Variants in PLD1 observed in about 807,000 individuals in gnomAD.
PLD1 encodes the protein phospholipase D1, also known as choline phosphatase 1.
Under a neutral mutation model 137.1 loss-of-function variants are expected in PLD1, and 112 were observed. The observed-to-expected ratio is 0.82, with a 90% CI of 0.70 to 0.96. PLD1 has a LOEUF of 0.96. Among genes scored for constraint, PLD1 ranks in the 40% least tolerant of loss-of-function variants. The pLI, the probability that PLD1 is intolerant of heterozygous loss-of-function variation, is 0.00. For synonymous variants in PLD1, 431 were observed against 454.7 expected, an observed-to-expected ratio of 0.95 and a Z score of 0.66; for missense variants, 1,321 against 1,342.0, an observed-to-expected ratio of 0.98 and a Z score of 0.24.
Position 171,688,797 on chromosome 3 carries a change from G to A in PLD1, c.1418C>T (p.Ser473Leu), listed in dbSNP as rs1373200099. The part of the protein sequence containing the change: ...HHEKLVIIDQ[S>L]VAFVGGIDLA... Reference sequence around the variant, plus strand: ...GTCAATCCCTCCCACAAAGGCCACCGATTGGTCAATGATGACAAGCTTCTC... The same window carrying A: ...GTCAATCCCTCCCACAAAGGCCACCAATTGGTCAATGATGACAAGCTTCTC... Residue 473 changes from serine to leucine, a missense_variant, in exon 14 of 27, where the codon TCG (serine) becomes TTG (leucine). Coordinates refer to ENST00000351298, the MANE Select transcript of PLD1 (RefSeq NM_002662.5). 1.2e-5 allele frequency: 19 copies of A among 1,613,840 alleles called. No individual in the cohort carries two copies. The highest frequency in any genetic ancestry group is 2.7e-5 in the African/African-American group (2 of 74,894).
At chr3:171,658,676 G>T (rs1431307884) in intron 21 of PLD1, among the ~76,000 whole-genome samples, 1 of 152,134 alleles carries the variant, frequency 6.6e-6, no homozygotes, top group African/African-American at 2.4e-5. Flanking sequence ...TGCTAATGGG[G>T]TTTCTTTCTG....
chr3:171,629,097 G>A (rs1734417113), intron 23 of PLD1, among the ~76,000 whole-genome samples: 1 of 150,832 alleles, frequency 6.6e-6, no homozygotes, highest in South Asian at 2.1e-4. Flanking sequence ...TGACATGATT[G>A]TATATCTAGA....
intron 11 of PLD1, among the ~76,000 whole-genome samples, chr3:171,700,664 G>A (rs1578310371): frequency 6.6e-6 from 1 of 152,176 alleles, no homozygotes; most frequent in East Asian, 1.9e-4. Context: ...TAGATACACA[G>A]ACACATGACT....
At chr3:171,791,991 C>G (rs1723232502) in intron 1 of PLD1, 1 of 152,696 alleles carries the variant, frequency 6.5e-6, no homozygotes, top group Admixed American at 6.5e-5. Context: ...CCTTTCCCAA[C>G]ACCATCCCTT....
intron 18 of PLD1, among the ~76,000 whole-genome samples, chr3:171,675,544 C>T (rs1713261650): frequency 6.6e-6 from 1 of 152,190 alleles, no homozygotes; most frequent in Admixed American, 6.5e-5. Flanking sequence ...TGTATGAGCA[C>T]ACCACAAAAA....
At chr3:171,636,578 T>C (rs1735150695) in intron 23 of PLD1, among the ~76,000 whole-genome samples, 1 of 152,130 alleles carries the variant, frequency 6.6e-6, no homozygotes, top group Non-Finnish European at 1.5e-5. Flanking sequence ...TACTCATTGC[T>C]AGAGTATAAA....
At chr3:171,732,937 A>C (rs974420212) in intron 6 of PLD1, among the ~76,000 whole-genome samples, 7 of 152,154 alleles carry the variant, frequency 4.6e-5, no homozygotes, top group African/African-American at 1.7e-4. Flanking sequence ...GGATTCCTCA[A>C]GGGTTTTTTC....
At chr3:171,652,509 A>G (rs187011947) in intron 21 of PLD1, among the ~76,000 whole-genome samples, 2 of 151,974 alleles carry the variant, frequency 1.3e-5, no homozygotes, top group Admixed American at 1.3e-4. Flanking sequence ...GTACAAAATT[A>G]TAGGATATGG....
intron 24 of PLD1, among the ~76,000 whole-genome samples, chr3:171,618,849 G>A (rs1292296940): frequency 2.7e-5 from 2 of 74,062 alleles, no homozygotes; most frequent in African/African-American, 6.6e-5. Flanking sequence ...AATATTAAAA[G>A]TGTGTGTGCG....
At chr3:171,611,060 A>T (rs1732612430) in intron 25 of PLD1, among the ~76,000 whole-genome samples, 1 of 152,178 alleles carries the variant, frequency 6.6e-6, no homozygotes, top group Admixed American at 6.5e-5. Context: ...TCCAAAAGGG[A>T]CCATTTAACA....
chr3:171,788,288 G>T (rs1413764556), intron 1 of PLD1, among the ~76,000 whole-genome samples: 2 of 131,778 alleles, frequency 1.5e-5, no homozygotes, highest in East Asian at 4.8e-4. Flanking sequence ...ACTGAAAGGA[G>T]TATTTCTGGG....
At chr3:171,629,361 G>A (rs1344125305) in intron 23 of PLD1, among the ~76,000 whole-genome samples, 8 of 151,884 alleles carry the variant, frequency 5.3e-5, no homozygotes, top group Non-Finnish European at 2.9e-5. Flanking sequence ...TGAAATAAAA[G>A]AGGATACAAA....
At chr3:171,719,214 C>T (rs1381269753) in intron 8 of PLD1, among the ~76,000 whole-genome samples, 1 of 152,182 alleles carries the variant, frequency 6.6e-6, no homozygotes, top group African/African-American at 2.4e-5. Flanking sequence ...AAGCAGGCTA[C>T]TGGATTCAAA....
At chr3:171,721,259 A>G (rs1456856739) in intron 8 of PLD1, 1 of 152,302 alleles carries the variant, frequency 6.6e-6, no homozygotes, top group African/African-American at 2.4e-5. Context: ...ATATACGTGT[A>G]TAAAAGAGTT....
chr3:171,632,213 T>C (rs1734727420), intron 23 of PLD1, among the ~76,000 whole-genome samples: 1 of 152,164 alleles, frequency 6.6e-6, no homozygotes, highest in Non-Finnish European at 1.5e-5. Flanking sequence ...GGACAGTCTA[T>C]AGAGCAACTG....
Position 171,688,822 on chromosome 3 carries a change from C to T in PLD1, c.1393G>A (p.Glu465Lys), listed in dbSNP as rs1714838314. The T allele has an allele frequency of 6.2e-7, 1 of 1,613,968 alleles. No homozygotes were observed. Among genetic ancestry groups the T allele is most frequent in the Admixed American group, 1.7e-5 (1 of 59,982 alleles). Residue 465 changes from glutamate to lysine, a missense_variant, in exon 14 of 27, where the codon GAG becomes AAG. Glu to Lys is a moderately conservative substitution (Grantham distance 56). Transcript: ENST00000351298. ...SSTVYLWAHH[E>K]KLVIIDQSVA... ...GATTGGTCAATGATGACAAGCTTCTCATGGTGAGCCCACAAATAGACGGTG... is the reference window on the plus strand; with the variant it reads ...GATTGGTCAATGATGACAAGCTTCTTATGGTGAGCCCACAAATAGACGGTG...
At chr3:171,721,947 G>A (rs901423716) in intron 8 of PLD1, among the ~76,000 whole-genome samples, 12 of 152,046 alleles carry the variant, frequency 7.9e-5, no homozygotes, top group South Asian at 4.2e-4. Context: ...ATCTTAAATC[G>A]GTGTGTGTAA....
intron 1 of PLD1, chr3:171,789,328 G>C (rs1723131645): frequency 1.3e-5 from 2 of 152,386 alleles, no homozygotes; most frequent in South Asian, 4.1e-4. Flanking sequence ...AAAATGCATG[G>C]CAGCCACATA....
chr3:171,801,727 C>G (rs1277324511), intron 1 of PLD1, among the ~76,000 whole-genome samples: 1 of 152,236 alleles, frequency 6.6e-6, no homozygotes, highest in Non-Finnish European at 1.5e-5. Flanking sequence ...CTGTGCCCAG[C>G]CTATGGCCTG....
Sources: gnomAD v4.1 joint callset for allele counts (sites outside exome capture counted in the v4.1 genomes callset) on GRCh38, gnomAD v4.1.1 for gene constraint, MANE v1.5 for transcripts, NCBI Gene and HGNC (gene_info 2026-07-23, HGNC 2026-07-21) for gene names.